ESR1: variants seen among roughly 807,000 people sequenced by gnomAD.
The protein encoded by ESR1 is estrogen receptor 1.
ESR1 carries 12 observed loss-of-function variants against 52.7 expected under a neutral mutation model. That is an observed-to-expected ratio of 0.23 (90% confidence interval 0.15 to 0.37). The LOEUF (loss-of-function observed/expected upper bound fraction) is 0.37. Ranked by LOEUF, ESR1 falls within the 10% of genes least tolerant of loss-of-function variation. The pLI is 1.00. For synonymous variants in ESR1, 305 were observed against 316.8 expected, an observed-to-expected ratio of 0.96 and a Z score of 0.39; for missense variants, 584 against 779.7, an observed-to-expected ratio of 0.75 and a Z score of 2.99.
chr6:151,727,490 C>G (rs1478722232), intron 2 of ESR1, among the ~76,000 whole-genome samples: 2 of 152,208 alleles, frequency 1.3e-5, no homozygotes, highest in Non-Finnish European at 2.9e-5. Flanking sequence ...GTGTGAGCCA[C>G]TATGCCTGGC....
intron 2 of ESR1, among the ~76,000 whole-genome samples, chr6:151,862,349 G>A (rs1789038493): frequency 6.6e-6 from 1 of 152,150 alleles, no homozygotes; most frequent in South Asian, 2.1e-4. Flanking sequence ...GATAATAGCT[G>A]GCTCCTCATC....
chr6:151,972,069 C>T (rs1239247244), intron 4 of ESR1, among the ~76,000 whole-genome samples: 1 of 151,932 alleles, frequency 6.6e-6, no homozygotes, highest in African/African-American at 2.4e-5. Flanking sequence ...TGGATAAATT[C>T]CTGGAAATAT....
chr6:152,091,891 A>C (rs184875688), intron 6 of ESR1, among the ~76,000 whole-genome samples: 304 of 152,348 alleles, frequency 2.0e-3, no homozygotes, highest in African/African-American at 6.7e-3. Flanking sequence ...GGAACAAAAA[A>C]GGAAATTGGT....
At chr6:151,660,287 A>T (rs1777595407) in intron 1 of ESR1, among the ~76,000 whole-genome samples, 1 of 152,114 alleles carries the variant, frequency 6.6e-6, no homozygotes, top group Admixed American at 6.5e-5. Context: ...CAGTGACTTT[A>T]TTTCTTCTTC....
chr6:151,946,664 A>G (rs1412332625), intron 4 of ESR1, among the ~76,000 whole-genome samples: 1 of 152,186 alleles, frequency 6.6e-6, no homozygotes, highest in Non-Finnish European at 1.5e-5. Flanking sequence ...ATAATTAAAA[A>G]AAAGAATTAT....
At chr6:152,097,748 C>A (rs937766982) in intron 7 of ESR1, among the ~76,000 whole-genome samples, 1 of 152,020 alleles carries the variant, frequency 6.6e-6, no homozygotes, top group African/African-American at 2.4e-5. Flanking sequence ...CTGCCCATTT[C>A]CCCCCTTGTT....
At chr6:151,672,049 T>G (rs540527628) in intron 1 of ESR1, among the ~76,000 whole-genome samples, 7 of 151,006 alleles carry the variant, frequency 4.6e-5, no homozygotes, top group Non-Finnish European at 1.0e-4. Context: ...CCCAGGCTGG[T>G]CTCAGACTCC....
At chr6:152,091,315 A>G (rs763130023) in intron 6 of ESR1, among the ~76,000 whole-genome samples, 4 of 152,208 alleles carry the variant, frequency 2.6e-5, no homozygotes, top group Middle Eastern at 3.2e-3. Flanking sequence ...TTTCAACAGG[A>G]CCTATTTTTA....
intron 4 of ESR1, among the ~76,000 whole-genome samples, chr6:151,958,315 GA>G (rs59876115): frequency 1.1e-4 from 16 of 151,882 alleles, no homozygotes; most frequent in South Asian, 6.2e-4. Flanking sequence ...CTCTTTTGGG[GA>G]AAAAAAATCT....
intron 3 of ESR1, among the ~76,000 whole-genome samples, chr6:151,885,959 A>G (rs1023123929): frequency 3.3e-5 from 5 of 152,218 alleles, no homozygotes; most frequent in African/African-American, 9.6e-5. Context: ...AGTGCCACAC[A>G]AGTGTTAGCT....
chr6:151,865,752 G>T (rs971175685), intron 2 of ESR1, among the ~76,000 whole-genome samples: 2 of 152,210 alleles, frequency 1.3e-5, no homozygotes, highest in African/African-American at 4.8e-5. Context: ...GCCTGTGGAT[G>T]TTAAGTAGCA....
chr6:151,846,403 T>C (rs910604133), intron 2 of ESR1, among the ~76,000 whole-genome samples: 1 of 152,232 alleles, frequency 6.6e-6, no homozygotes, highest in Non-Finnish European at 1.5e-5. Context: ...TTTCTCATCA[T>C]AGTCTTGATA....
chr6:152,016,431 T>A (rs1482390750), intron 5 of ESR1, among the ~76,000 whole-genome samples: 1 of 152,176 alleles, frequency 6.6e-6, no homozygotes, highest in Non-Finnish European at 1.5e-5. Context: ...TTCTAATCAT[T>A]AACATGCACT....
intron 6 of ESR1, among the ~76,000 whole-genome samples, chr6:152,108,642 G>A (rs1162214914): frequency 6.6e-6 from 1 of 152,128 alleles, no homozygotes; most frequent in Admixed American, 6.5e-5. Flanking sequence ...CTGGGGATCA[G>A]CAAGGTTTTG....
intron 4 of ESR1, among the ~76,000 whole-genome samples, chr6:151,964,224 G>T (rs73628416): frequency 0.015 from 2,254 of 152,238 alleles, 49 homozygotes; most frequent in African/African-American, 0.046. Flanking sequence ...TTGGAAATTT[G>T]ATAGGAAGTG....
At chr6:151,853,169 CAAAAAAAAAAAAAAAAAA>C (rs386408969) in intron 2 of ESR1, among the ~76,000 whole-genome samples, 9 of 42,880 alleles carry the variant, frequency 2.1e-4, no homozygotes, top group Admixed American at 4.0e-4. Context: ...AGACTCGTCT[CAAAAAAAAAAAAAAAAAA>C]AAAAAAAAAA....
At chr6:151,735,454 T>C (rs1296788235) in intron 2 of ESR1, among the ~76,000 whole-genome samples, 3 of 152,198 alleles carry the variant, frequency 2.0e-5, no homozygotes, top group African/African-American at 4.8e-5. Context: ...AGTAGAAAAA[T>C]GCACCTTGCT....
At chr6:151,826,069 A>AAACACATTTCT (rs1781436272) in intron 1 of ESR1, among the ~76,000 whole-genome samples, 1 of 151,846 alleles carries the variant, frequency 6.6e-6, no homozygotes, top group Admixed American at 6.6e-5. Flanking sequence ...AAGCCCTGGG[A>AAACACATTTCT]TGCGGGGAGG....
At chr6:151,897,357 A>G (rs1415151090) in intron 3 of ESR1, among the ~76,000 whole-genome samples, 1 of 152,086 alleles carries the variant, frequency 6.6e-6, no homozygotes. Context: ...TACATTTGGG[A>G]GTTCCAGTGT....
Sources: gnomAD v4.1 joint callset for allele counts (sites outside exome capture counted in the v4.1 genomes callset) on GRCh38, gnomAD v4.1.1 for gene constraint, MANE v1.5 for transcripts, NCBI Gene and HGNC (gene_info 2026-07-23, HGNC 2026-07-21) for gene names.